OLFM3: variants seen among roughly 807,000 people sequenced by gnomAD.
The protein encoded by OLFM3 is olfactomedin 3, also known as noelin-3.
A neutral mutation model predicts 48.6 loss-of-function variants in OLFM3; 20 were observed. The ratio of observed to expected loss-of-function variants is 0.41; its 90% CI spans 0.29 to 0.60. The LOEUF is 0.60. OLFM3 is among the 20% of genes least tolerant of loss of function. The pLI is 0.28. For synonymous variants in OLFM3, 222 were observed against 198.1 expected, an observed-to-expected ratio of 1.12 and a Z score of -1.01; for missense variants, 437 against 544.3, an observed-to-expected ratio of 0.80 and a Z score of 1.96.
intron 1 of OLFM3, chr1:101,893,277 G>A (rs750741441): frequency 9.6e-5 from 34 of 355,998 alleles, no homozygotes; most frequent in Middle Eastern, 9.9e-4. Context: ...GTACAGTGCT[G>A]TCATAATTGC....
chr1:101,986,801 T>G (rs1661255435), intron 1 of OLFM3, among the ~76,000 whole-genome samples: 1 of 152,212 alleles, frequency 6.6e-6, no homozygotes, highest in Admixed American at 6.5e-5. Context: ...TGTTCCAAAG[T>G]TGAATACCAG....
chr1:101,938,936 G>T (rs762928915), intron 1 of OLFM3, among the ~76,000 whole-genome samples: 3 of 152,178 alleles, frequency 2.0e-5, no homozygotes, highest in Non-Finnish European at 2.9e-5. Context: ...TGGAGTCCTT[G>T]TTGAGAGACT....
At chr1:101,812,917 A>G in intron 4 of OLFM3, 3 of 1,000,472 alleles carry the variant, frequency 3.0e-6, no homozygotes, top group Non-Finnish European at 3.6e-6. Flanking sequence ...ATTTCTCTGA[A>G]ATATGTTAGA....
At chr1:101,906,094 C>T (rs1445524984) in intron 1 of OLFM3, among the ~76,000 whole-genome samples, 2 of 152,048 alleles carry the variant, frequency 1.3e-5, no homozygotes, top group Non-Finnish European at 2.9e-5. Context: ...CTATCCTTTT[C>T]TCCACAAACT....
intron 1 of OLFM3, among the ~76,000 whole-genome samples, chr1:101,980,281 A>G (rs1416991899): frequency 1.3e-5 from 2 of 152,142 alleles, no homozygotes; most frequent in African/African-American, 2.4e-5. Flanking sequence ...ATGAAAAGAC[A>G]TGAGATTTGG....
chr1:101,842,246 A>G (rs1185450878), intron 1 of OLFM3, among the ~76,000 whole-genome samples: 2 of 152,200 alleles, frequency 1.3e-5, no homozygotes, highest in Non-Finnish European at 2.9e-5. Context: ...ACATTATCAA[A>G]TTTAGGTTAG....
intron 1 of OLFM3, among the ~76,000 whole-genome samples, chr1:101,966,979 T>C (rs1660631338): frequency 6.6e-6 from 1 of 152,188 alleles, no homozygotes; most frequent in Non-Finnish European, 1.5e-5. Flanking sequence ...CAAATGTGGT[T>C]GTTTCATTAG....
chr1:101,826,130 A>G (rs563689112), intron 3 of OLFM3, among the ~76,000 whole-genome samples: 37 of 10,428 alleles, frequency 3.5e-3, no homozygotes, highest in South Asian at 5.9e-3. Context: ...CTTTCGTCAA[A>G]CACACACACA....
chr1:101,992,081 A>G (rs1661427318), intron 1 of OLFM3, among the ~76,000 whole-genome samples: 1 of 152,128 alleles, frequency 6.6e-6, no homozygotes, highest in Non-Finnish European at 1.5e-5. Context: ...CAGCTTCCCC[A>G]AAGTCACATC....
chr1:101,820,356 AATCTACATTAAAT>A (rs974862039), intron 4 of OLFM3, among the ~76,000 whole-genome samples: 12 of 152,062 alleles, frequency 7.9e-5, no homozygotes, highest in Non-Finnish European at 1.5e-4. Context: ...GCCTTATTAT[AATCTACATTAAAT>A]ATCTATTTGG....
intron 4 of OLFM3, among the ~76,000 whole-genome samples, chr1:101,818,767 C>T (rs978403045): frequency 2.6e-5 from 4 of 152,122 alleles, no homozygotes; most frequent in Non-Finnish European, 5.9e-5. Flanking sequence ...TTCCTTCCCC[C>T]CAAAAGCTTT....
At chr1:101,905,051 GT>G (rs1658508612) in intron 1 of OLFM3, among the ~76,000 whole-genome samples, 1 of 152,160 alleles carries the variant, frequency 6.6e-6, no homozygotes, top group Non-Finnish European at 1.5e-5. Context: ...GGTTTTGGTA[GT>G]GAGGTTGTGG....
intron 1 of OLFM3, among the ~76,000 whole-genome samples, chr1:101,895,375 G>GA (rs1658157075): frequency 6.7e-6 from 1 of 150,278 alleles, no homozygotes; most frequent in Non-Finnish European, 1.5e-5. Context: ...TTTGACCTTA[G>GA]ACTTATGTGC....
Position 101,837,599 on chromosome 1 carries a change from G to A in OLFM3, c.70-574C>T, listed in dbSNP as rs541388199. 52 of 152,288 alleles carry A rather than the reference G, an allele frequency of 3.4e-4. 1 individual carries two copies. Among genetic ancestry groups the A allele is most frequent in the African/African-American group, 1.2e-3 (51 of 41,562 alleles). 9.4% of individuals were successfully genotyped at this position (152,288 alleles called of 1,614,324 possible). On this transcript the variant is annotated intron_variant, in intron 1 of 5. Transcript: ENST00000370103. ...AATGCAGACTCTTAGAGGACTTAGA[G>A]TTTTTGGCAGAGTCTGCCAAATTGA...
chr1:101,918,179 G>A (rs1658983593), intron 1 of OLFM3, among the ~76,000 whole-genome samples: 2 of 151,660 alleles, frequency 1.3e-5, no homozygotes, highest in African/African-American at 2.4e-5. Context: ...AAGAGATGAA[G>A]GACATCACAA....
rs144003812 is a variant in OLFM3, at chr1:101,946,049, A to G, written c.69+50699T>C. On this transcript the variant is annotated intron_variant, in intron 1 of 5. Transcript: ENST00000370103. ...GTTACTGAGACTATCATTTCAGAAAATGCCTGAGGTTAGCGTGTTCCTAGC... is the reference window on the plus strand; with the variant it reads ...GTTACTGAGACTATCATTTCAGAAAGTGCCTGAGGTTAGCGTGTTCCTAGC... 5.6e-3 allele frequency among the ~76,000 whole-genome samples: 856 copies of G among 152,298 alleles called. 6 individuals are homozygous for G. Among genetic ancestry groups the G allele is most frequent in the Non-Finnish European group, 8.7e-3 (591 of 68,018 alleles).
At chr1:101,957,118 C>G (rs1023686052) in intron 1 of OLFM3, among the ~76,000 whole-genome samples, 2 of 151,974 alleles carry the variant, frequency 1.3e-5, no homozygotes, top group Non-Finnish European at 2.9e-5. Flanking sequence ...CAAGACCTCT[C>G]TTGGTATTCA....
intron 1 of OLFM3, among the ~76,000 whole-genome samples, chr1:101,993,676 G>C (rs934676139): frequency 1.3e-5 from 2 of 152,012 alleles, no homozygotes; most frequent in African/African-American, 4.8e-5. Flanking sequence ...AAGAAAAATT[G>C]ATCATCTGTC....
intron 1 of OLFM3, among the ~76,000 whole-genome samples, chr1:101,958,777 T>G (rs1660376980): frequency 6.6e-6 from 1 of 151,062 alleles, no homozygotes; most frequent in African/African-American, 2.4e-5. Context: ...TTTTAAAAGT[T>G]TATTTATTTT....
Sources: gnomAD v4.1 joint callset for allele counts (sites outside exome capture counted in the v4.1 genomes callset) on GRCh38, gnomAD v4.1.1 for gene constraint, MANE v1.5 for transcripts, NCBI Gene and HGNC (gene_info 2026-07-23, HGNC 2026-07-21) for gene names.